CSMD1: variants seen among roughly 807,000 people sequenced by gnomAD.
The protein encoded by CSMD1 is CUB and sushi domain-containing protein 1.
CSMD1 carries 213 observed loss-of-function variants against 417.5 expected under a neutral mutation model. That is an observed-to-expected ratio of 0.51 (90% confidence interval 0.46 to 0.57). CSMD1 has a LOEUF of 0.57. Ranked by LOEUF, CSMD1 falls within the 20% of genes least tolerant of loss-of-function variation. The pLI is 0.00. For missense variants in CSMD1, 6,923 were observed against 4,529.7 expected (o/e 1.53, Z -15.17); for synonymous variants, 2,862 against 1,736.8 (o/e 1.65, Z -16.11).
At chr8:4,937,472 A>C (rs1249770249) in intron 1 of CSMD1, among the ~76,000 whole-genome samples, 1 of 152,174 alleles carries the variant, frequency 6.6e-6, no homozygotes, top group Non-Finnish European at 1.5e-5. Flanking sequence ...GTATTTTCTT[A>C]TGTGTTGGAT....
chr8:4,477,046 G>A (rs886356428), intron 2 of CSMD1, among the ~76,000 whole-genome samples: 4 of 152,216 alleles, frequency 2.6e-5, no homozygotes, highest in Admixed American at 1.3e-4. Flanking sequence ...AGGGCTGGTG[G>A]GACCCCAGCC....
At chr8:4,662,633 G>A (rs1356124353) in intron 1 of CSMD1, among the ~76,000 whole-genome samples, 1 of 152,126 alleles carries the variant, frequency 6.6e-6, no homozygotes, top group Non-Finnish European at 1.5e-5. Flanking sequence ...ATGTTCTTCA[G>A]AAATATAAAA....
At chr8:4,802,907 T>C (rs1436384857) in intron 1 of CSMD1, among the ~76,000 whole-genome samples, 1 of 152,200 alleles carries the variant, frequency 6.6e-6, no homozygotes, top group East Asian at 1.9e-4. Flanking sequence ...TCGTGTGACA[T>C]TAACCACTGG....
chr8:4,546,480 G>A (rs1797640387), intron 2 of CSMD1, among the ~76,000 whole-genome samples: 1 of 152,144 alleles, frequency 6.6e-6, no homozygotes, highest in African/African-American at 2.4e-5. Context: ...CCCATGGCAG[G>A]CCACAAAGAA....
intron 1 of CSMD1, among the ~76,000 whole-genome samples, chr8:4,854,652 G>A (rs1044979911): frequency 5.3e-5 from 8 of 152,096 alleles, no homozygotes; most frequent in South Asian, 2.1e-4. Context: ...AAGGGGTGAC[G>A]GACAGCACCT....
intron 22 of CSMD1, among the ~76,000 whole-genome samples, chr8:3,346,735 T>C (rs1380726852): frequency 2.0e-5 from 3 of 152,368 alleles, no homozygotes; most frequent in South Asian, 2.1e-4. Flanking sequence ...CACAGTGTTT[T>C]CCCTTTTAGT....
At chr8:3,938,596 A>G (rs1224723585) in intron 5 of CSMD1, among the ~76,000 whole-genome samples, 1 of 152,114 alleles carries the variant, frequency 6.6e-6, no homozygotes, top group Admixed American at 6.6e-5. Flanking sequence ...CTTGGAAATC[A>G]TGCTGTAGAC....
chr8:3,054,555 T>C (rs953818804), intron 49 of CSMD1, among the ~76,000 whole-genome samples: 1 of 152,134 alleles, frequency 6.6e-6, no homozygotes, highest in African/African-American at 2.4e-5. Context: ...GAGACAGAGG[T>C]TGCAGTGAGC....
intron 7 of CSMD1, among the ~76,000 whole-genome samples, chr8:3,630,002 G>A (rs2406987): frequency 0.66 from 100,936 of 152,058 alleles, 33,677 homozygotes; most frequent in Middle Eastern, 0.82. Flanking sequence ...ATTTGAACAG[G>A]CCCCAGAGTT....
chr8:3,691,085 G>C (rs779226800), intron 7 of CSMD1, among the ~76,000 whole-genome samples: 1 of 152,016 alleles, frequency 6.6e-6, no homozygotes, highest in Admixed American at 6.6e-5. Flanking sequence ...TGTATCAATG[G>C]GCCGGGCTTG....
At chr8:2,941,025 T>A (rs1472128295) in intron 69 of CSMD1, among the ~76,000 whole-genome samples, 1 of 152,266 alleles carries the variant, frequency 6.6e-6, no homozygotes, top group Non-Finnish European at 1.5e-5. Context: ...CATATCTTTC[T>A]ACATTTACTA....
At chr8:4,961,904 T>G (rs1386373259) in intron 1 of CSMD1, among the ~76,000 whole-genome samples, 1 of 152,098 alleles carries the variant, frequency 6.6e-6, no homozygotes, top group Non-Finnish European at 1.5e-5. Context: ...CCTTCCTTTT[T>G]TTTCCAATCT....
intron 7 of CSMD1, among the ~76,000 whole-genome samples, chr8:3,685,411 T>C (rs905909799): frequency 3.9e-5 from 6 of 152,158 alleles, no homozygotes; most frequent in Admixed American, 1.3e-4. Flanking sequence ...CTGCACAGAA[T>C]GCCAATGACT....
At chr8:3,628,668 G>T (rs550688274) in intron 7 of CSMD1, among the ~76,000 whole-genome samples, 1 of 152,050 alleles carries the variant, frequency 6.6e-6, no homozygotes, top group Non-Finnish European at 1.5e-5. Context: ...ATCCTCACAG[G>T]CGCCCCGAGA....
At chr8:3,130,309 T>C (rs1474363551) in intron 41 of CSMD1, among the ~76,000 whole-genome samples, 1 of 152,064 alleles carries the variant, frequency 6.6e-6, no homozygotes. Context: ...ACATTCATCA[T>C]TCACATTATT....
intron 3 of CSMD1, among the ~76,000 whole-genome samples, chr8:4,293,834 A>C (rs1168680534): frequency 5.3e-5 from 8 of 152,220 alleles, no homozygotes; most frequent in African/African-American, 1.9e-4. Flanking sequence ...TTTAACATTC[A>C]GTGTCCAAAG....
chr8:4,796,572 C>G (rs1228745295), intron 1 of CSMD1, among the ~76,000 whole-genome samples: 1 of 151,840 alleles, frequency 6.6e-6, no homozygotes, highest in East Asian at 2.0e-4. Flanking sequence ...GTCTCCCACT[C>G]ACTGTGGGAG....
At chr8:4,226,465 T>G (rs1801363668) in intron 3 of CSMD1, among the ~76,000 whole-genome samples, 1 of 152,168 alleles carries the variant, frequency 6.6e-6, no homozygotes, top group Non-Finnish European at 1.5e-5. Context: ...ATTAAAATAC[T>G]TGCAATTTAG....
At chr8:3,798,540 A>C (rs1318838567) in intron 5 of CSMD1, among the ~76,000 whole-genome samples, 1 of 152,106 alleles carries the variant, frequency 6.6e-6, no homozygotes, top group Non-Finnish European at 1.5e-5. Flanking sequence ...AGATCATATG[A>C]AAACACTTTT....
Sources: allele counts gnomAD v4.1 joint callset (sites outside exome capture counted in the v4.1 genomes callset), GRCh38; gene constraint gnomAD v4.1.1; transcripts MANE v1.5; gene names NCBI Gene and HGNC (gene_info 2026-07-23, HGNC 2026-07-21).